The following GALNTL6 variants were observed in gnomAD, a reference collection of about 807,000 sequenced individuals.
GALNTL6 encodes polypeptide N-acetylgalactosaminyltransferase like 6, also known as polypeptide N-acetylgalactosaminyltransferase-like 6.
In GALNTL6, 46 loss-of-function variants were observed where a neutral mutation model predicts 73.7. That is an observed-to-expected ratio of 0.62 (90% CI 0.49 to 0.80). The LOEUF (loss-of-function observed/expected upper bound fraction) is 0.80. GALNTL6 is among the 30% of genes least tolerant of loss of function. GALNTL6 has a pLI of 0.00. For synonymous variants in GALNTL6, 259 were observed against 263.7 expected (o/e 0.98, Z 0.17); for missense variants, 604 against 755.0 (o/e 0.80, Z 2.34).
At chr4:172,705,866 A>G (rs1339071271) in intron 5 of GALNTL6, among the ~76,000 whole-genome samples, 2 of 151,920 alleles carry the variant, frequency 1.3e-5, no homozygotes, top group African/African-American at 4.8e-5. Context: ...TCTTTTATAT[A>G]TGATTTAATT....
At chr4:171,880,601 A>G (rs1736420148) in intron 2 of GALNTL6, among the ~76,000 whole-genome samples, 1 of 152,220 alleles carries the variant, frequency 6.6e-6, no homozygotes, top group Non-Finnish European at 1.5e-5. Context: ...CAAAATAACA[A>G]CACTCACAAG....
At chr4:172,150,615 A>G (rs1335455437) in intron 2 of GALNTL6, among the ~76,000 whole-genome samples, 1 of 152,148 alleles carries the variant, frequency 6.6e-6, no homozygotes, top group Non-Finnish European at 1.5e-5. Context: ...ATGTAAAACA[A>G]CCCTTGGTGG....
At chr4:172,336,202 C>T (rs1741310227) in intron 4 of GALNTL6, among the ~76,000 whole-genome samples, 1 of 150,888 alleles carries the variant, frequency 6.6e-6, no homozygotes, top group African/African-American at 2.4e-5. Context: ...TTTGTTTACC[C>T]AAAAGGAGCA....
chr4:172,884,624 G>T (rs1745626938), intron 8 of GALNTL6, among the ~76,000 whole-genome samples: 1 of 152,044 alleles, frequency 6.6e-6, no homozygotes, highest in African/African-American at 2.4e-5. Context: ...TTTCTAGCTT[G>T]ATGTAAATTT....
chr4:171,909,196 A>G (rs1369582034), intron 2 of GALNTL6, among the ~76,000 whole-genome samples: 2 of 150,808 alleles, frequency 1.3e-5, no homozygotes, highest in Non-Finnish European at 2.9e-5. Context: ...AAAGAAAATG[A>G]GGTGAAAGCT....
chr4:172,234,975 T>C (rs1737192035), intron 3 of GALNTL6, among the ~76,000 whole-genome samples: 2 of 152,162 alleles, frequency 1.3e-5, no homozygotes, highest in Non-Finnish European at 2.9e-5. Context: ...TTTTATGTAG[T>C]TACAGTAGTA....
intron 2 of GALNTL6, among the ~76,000 whole-genome samples, chr4:171,908,084 G>C (rs1219596635): frequency 6.6e-6 from 1 of 152,206 alleles, no homozygotes; most frequent in African/African-American, 2.4e-5. Flanking sequence ...CATAGGCATG[G>C]GCAAGGACTT....
At position 171,943,064 on chromosome 4, in the gene GALNTL6, G is replaced by A. The variant is rs139540087; in HGVS notation, c.138+128346G>A. Among the ~76,000 whole-genome samples, 262 of 152,184 alleles carry A rather than the reference G, an allele frequency of 1.7e-3. 2 individuals carry two copies. Among genetic ancestry groups the A allele is most frequent in the Admixed American group, 0.012 (179 of 15,282 alleles). On this transcript the variant is annotated intron_variant, in intron 2 of 12. Transcript: ENST00000506823. ...TTTTTTCCATAGTTTCTCTCAAGGG[G>A]GTAGGATTGTTGTTTTATCATCAAT... is the stretch of plus-strand genomic sequence containing the variant.
chr4:172,983,888 A>C (rs189305605), intron 10 of GALNTL6, among the ~76,000 whole-genome samples: 48 of 152,170 alleles, frequency 3.2e-4, no homozygotes, highest in African/African-American at 1.1e-3. Flanking sequence ...AGGTCCAGGA[A>C]AATCATTGTT....
chr4:172,840,555 C>T (rs1743153525), intron 7 of GALNTL6, among the ~76,000 whole-genome samples: 1 of 152,198 alleles, frequency 6.6e-6, no homozygotes, highest in South Asian at 2.1e-4. Flanking sequence ...CACACACCAA[C>T]ATTTATTGAA....
intron 2 of GALNTL6, among the ~76,000 whole-genome samples, chr4:172,092,888 T>C (rs537698308): frequency 6.4e-4 from 96 of 149,942 alleles, no homozygotes; most frequent in African/African-American, 2.3e-3. Context: ...TTTTTTTTTT[T>C]TTTTGAGACG....
At chr4:172,690,520 G>A (rs1392397214) in intron 5 of GALNTL6, among the ~76,000 whole-genome samples, 1 of 152,008 alleles carries the variant, frequency 6.6e-6, no homozygotes, top group Non-Finnish European at 1.5e-5. Context: ...AACAAATAAG[G>A]CAATATTCTT....
chr4:172,002,295 G>A (rs1048371037), intron 2 of GALNTL6, among the ~76,000 whole-genome samples: 5 of 152,124 alleles, frequency 3.3e-5, no homozygotes, highest in African/African-American at 1.2e-4. Flanking sequence ...CAAGGGTGGA[G>A]CCCTTACTAA....
chr4:172,228,766 T>G (rs1214705233), intron 2 of GALNTL6, among the ~76,000 whole-genome samples: 1 of 152,226 alleles, frequency 6.6e-6, no homozygotes, highest in Non-Finnish European at 1.5e-5. Context: ...ACTACAAGAT[T>G]GTGAAGATAA....
chr4:171,960,174 T>C (rs1160554015), intron 2 of GALNTL6, among the ~76,000 whole-genome samples: 1 of 152,208 alleles, frequency 6.6e-6, no homozygotes, highest in Non-Finnish European at 1.5e-5. Context: ...GGCTACTCTT[T>C]ACAGCACTGC....
intron 5 of GALNTL6, among the ~76,000 whole-genome samples, chr4:172,552,080 A>C (rs1160268043): frequency 6.6e-6 from 1 of 152,118 alleles, no homozygotes; most frequent in African/African-American, 2.4e-5. Context: ...CCCAGAATAA[A>C]TTTTACTAAT....
At chr4:172,950,844 C>CCA (rs1414616036) in intron 9 of GALNTL6, among the ~76,000 whole-genome samples, 1 of 152,172 alleles carries the variant, frequency 6.6e-6, no homozygotes, top group Non-Finnish European at 1.5e-5. Flanking sequence ...AATGCTCGCA[C>CCA]CAACTGGGCA....
intron 8 of GALNTL6, among the ~76,000 whole-genome samples, chr4:172,920,715 T>C (rs1747748112): frequency 6.6e-6 from 1 of 152,228 alleles, no homozygotes. Context: ...TGTATTATGA[T>C]CGTAGCTGTT....
chr4:172,141,562 GTAAC>G (rs976939856), intron 2 of GALNTL6, among the ~76,000 whole-genome samples: 19 of 151,910 alleles, frequency 1.3e-4, no homozygotes, highest in Admixed American at 1.2e-3. Flanking sequence ...GTTGAACTAA[GTAAC>G]TAAGAATACT....
Sources: gnomAD v4.1 joint callset for allele counts (sites outside exome capture counted in the v4.1 genomes callset) on GRCh38, gnomAD v4.1.1 for gene constraint, MANE v1.5 for transcripts, NCBI Gene and HGNC (gene_info 2026-07-23, HGNC 2026-07-21) for gene names.